The following GRIP1 variants were observed in gnomAD, a reference collection of about 807,000 sequenced individuals.
GRIP1 encodes glutamate receptor interacting protein 1.
GRIP1 carries 45 observed loss-of-function variants against 129.9 expected under a neutral mutation model. That is an observed-to-expected ratio of 0.35 (90% CI 0.27 to 0.44). The LOEUF (loss-of-function observed/expected upper bound fraction) is 0.44. GRIP1 is among the 20% of genes least tolerant of loss of function. The pLI is 1.00. For synonymous variants in GRIP1, 530 were observed against 520.8 expected (o/e 1.02, Z -0.24); for missense variants, 1,196 against 1,396.8 (o/e 0.86, Z 2.29).
At chr12:66,639,648 A>G (rs559156711) in intron 1 of GRIP1, among the ~76,000 whole-genome samples, 2 of 152,330 alleles carry the variant, frequency 1.3e-5, no homozygotes, top group East Asian at 3.9e-4. Context: ...CCAGCATAAA[A>G]TGTCCCTTTG....
rs780060960 is a variant in GRIP1, at chr12:66,967,983, C to T, written c.58+101067G>A. On this transcript the variant is annotated intron_variant, in intron 1 of 1. Coordinates refer to the GRIP1 transcript ENST00000643019. ...CTGATAATGCTATTCAAGTCAACTA[C>T]GTCCTTACTGATTTTCTGCTGGCTT... Among the ~76,000 whole-genome samples, 4 of 152,234 alleles carry T rather than the reference C, an allele frequency of 2.6e-5. No individual in the cohort carries two copies. In the South Asian group the frequency reaches 6.2e-4, roughly 24 times the overall value.
intron 1 of GRIP1, among the ~76,000 whole-genome samples, chr12:67,053,789 G>A (rs923953947): frequency 9.3e-5 from 14 of 150,480 alleles, no homozygotes; most frequent in African/African-American, 3.4e-4. Context: ...AATGAGCCGA[G>A]ATCGCACCAC....
At chr12:66,391,250 C>T (rs1375888038) in intron 19 of GRIP1, among the ~76,000 whole-genome samples, 1 of 152,138 alleles carries the variant, frequency 6.6e-6, no homozygotes, top group African/African-American at 2.4e-5. Flanking sequence ...GACTGAAACC[C>T]AGAGCAAACA....
At chr12:66,990,197 G>A (rs911685443) in intron 1 of GRIP1, among the ~76,000 whole-genome samples, 7 of 152,122 alleles carry the variant, frequency 4.6e-5, no homozygotes, top group Admixed American at 6.5e-5. Flanking sequence ...CTCACTATAC[G>A]CATAGCTTTC....
chr12:66,349,892 CCTT>C (rs1229143121), intron 24 of GRIP1, among the ~76,000 whole-genome samples: 11 of 152,078 alleles, frequency 7.2e-5, no homozygotes, highest in African/African-American at 1.2e-4. Context: ...TTCCATTTCT[CCTT>C]CTTCACCAAC....
At chr12:66,576,389 C>T (rs1011428007) in intron 2 of GRIP1, among the ~76,000 whole-genome samples, 1 of 152,186 alleles carries the variant, frequency 6.6e-6, no homozygotes, top group Non-Finnish European at 1.5e-5. Context: ...ATTGTTAACA[C>T]TATTTGATGC....
At chr12:66,461,767 A>G (rs533370267) in intron 9 of GRIP1, among the ~76,000 whole-genome samples, 1 of 152,290 alleles carries the variant, frequency 6.6e-6, no homozygotes, top group Admixed American at 6.5e-5. Context: ...AGTGTAGTGC[A>G]TTTTAAAAGG....
intron 1 of GRIP1, among the ~76,000 whole-genome samples, chr12:66,865,268 T>G (rs149355556): frequency 6.6e-6 from 1 of 152,168 alleles, no homozygotes; most frequent in Non-Finnish European, 1.5e-5. Flanking sequence ...CTGTATATTC[T>G]TAAGTATTTG....
intron 3 of GRIP1, among the ~76,000 whole-genome samples, chr12:66,540,480 T>C (rs943296302): frequency 2.0e-5 from 3 of 152,248 alleles, no homozygotes; most frequent in Middle Eastern, 3.2e-3. Context: ...CTGGCCATGA[T>C]TGTTATAAAA....
intron 2 of GRIP1, among the ~76,000 whole-genome samples, chr12:66,584,590 A>C (rs1293708083): frequency 6.6e-6 from 1 of 152,050 alleles, no homozygotes; most frequent in Non-Finnish European, 1.5e-5. Context: ...TATAAAAATG[A>C]TTATGGAAGG....
intron 2 of GRIP1, among the ~76,000 whole-genome samples, chr12:66,561,924 T>C (rs191400950): frequency 1.3e-5 from 2 of 151,964 alleles, no homozygotes; most frequent in Non-Finnish European, 2.9e-5. Context: ...TGAAACTCTG[T>C]CTCTACAAAA....
intron 2 of GRIP1, among the ~76,000 whole-genome samples, chr12:66,584,342 G>T (rs1034869598): frequency 3.3e-5 from 5 of 151,902 alleles, no homozygotes; most frequent in Non-Finnish European, 4.4e-5. Flanking sequence ...CACCAGCATG[G>T]CACATGTATA....
intron 1 of GRIP1, among the ~76,000 whole-genome samples, chr12:66,902,269 C>A (rs1050139425): frequency 6.6e-6 from 1 of 152,186 alleles, no homozygotes; most frequent in African/African-American, 2.4e-5. Flanking sequence ...TTTACATTCA[C>A]ATATTTAGCA....
intron 1 of GRIP1, among the ~76,000 whole-genome samples, chr12:66,812,547 T>C (rs769764051): frequency 3.9e-5 from 6 of 152,254 alleles, no homozygotes; most frequent in Non-Finnish European, 7.3e-5. Flanking sequence ...TATTATGCGG[T>C]AGGTGTGAAA....
intron 1 of GRIP1, among the ~76,000 whole-genome samples, chr12:66,811,799 G>A (rs1261703263): frequency 2.0e-5 from 3 of 152,108 alleles, no homozygotes; most frequent in Non-Finnish European, 4.4e-5. Flanking sequence ...TCTAAAAGCT[G>A]AGAATTTTAT....
At chr12:66,508,000 A>G (rs1271641675) in intron 7 of GRIP1, among the ~76,000 whole-genome samples, 1 of 152,326 alleles carries the variant, frequency 6.6e-6, no homozygotes, top group East Asian at 1.9e-4. Context: ...TTTGCATGCT[A>G]GCATAATCTA....
chr12:66,971,915 G>C (rs148808083), intron 1 of GRIP1, among the ~76,000 whole-genome samples: 119 of 152,296 alleles, frequency 7.8e-4, no homozygotes, highest in African/African-American at 2.7e-3. Context: ...AGTTCAGCTT[G>C]GCTGCAGTGT....
At chr12:66,821,293 A>C (rs2039313466) in intron 1 of GRIP1, among the ~76,000 whole-genome samples, 1 of 152,208 alleles carries the variant, frequency 6.6e-6, no homozygotes, top group Non-Finnish European at 1.5e-5. Flanking sequence ...ATTGTTTTTT[A>C]GATTTACCAT....
At chr12:66,415,641 T>C (rs540300529) in intron 15 of GRIP1, among the ~76,000 whole-genome samples, 1 of 152,264 alleles carries the variant, frequency 6.6e-6, no homozygotes, top group South Asian at 2.1e-4. Context: ...TGCAGCACTA[T>C]TCACAATAGC....
Sources: gnomAD v4.1 joint callset for allele counts (sites outside exome capture counted in the v4.1 genomes callset) on GRCh38, gnomAD v4.1.1 for gene constraint, MANE v1.5 for transcripts, NCBI Gene and HGNC (gene_info 2026-07-23, HGNC 2026-07-21) for gene names.